Variants in GNAL observed in about 807,000 individuals in gnomAD.
GNAL encodes the protein guanine nucleotide-binding protein G(olf) subunit alpha.
In GNAL, 18 loss-of-function variants were observed where a neutral mutation model predicts 55.1. The ratio of observed to expected loss-of-function variants is 0.33; its 90% CI spans 0.23 to 0.48. The LOEUF (loss-of-function observed/expected upper bound fraction) is 0.48. GNAL is among the 20% of genes least tolerant of loss of function. GNAL has a pLI of 0.99. For synonymous variants in GNAL, 253 were observed against 237.0 expected (o/e 1.07, Z -0.62); for missense variants, 412 against 614.1 (o/e 0.67, Z 3.48).
At chr18:11,851,304 ACGTCCCACAGGCCCCACCCCGGCGCCTTC>A (rs1183134366) in intron 5 of GNAL, 1 of 562,952 alleles carries the variant, frequency 1.8e-6, no homozygotes, top group Non-Finnish European at 3.0e-6. Context: ...CTGGCGTCTT[ACGTCCCACAGGCCCCACCCCGGCGCCTTC>A]CGTCCCGCAG....
rs186283659 is a variant in GNAL at position 11,720,480 on chromosome 18, G to A, written c.376+30541G>A. Among the ~76,000 whole-genome samples, 8 of 152,288 alleles carry A rather than the reference G, an allele frequency of 5.3e-5. No homozygotes were observed. The East Asian group carries it at 1.5e-3, about 29-fold the overall frequency. Reference sequence around the variant, plus strand: ...GCTGACTTGTAGTGCGACGTTATGTGTTTCATCTTTGCAAATGTCTTTTCA... The same window carrying A: ...GCTGACTTGTAGTGCGACGTTATGTATTTCATCTTTGCAAATGTCTTTTCA... On this transcript the variant is annotated intron_variant, in intron 1 of 11. Coordinates refer to ENST00000334049, the MANE Select transcript of GNAL (RefSeq NM_182978.4).
rs1357598485 is a variant in GNAL at position 11,846,462 on chromosome 18, T to TACACACACAC, written c.723-15932_723-15931insCACACACACA. Among the ~76,000 whole-genome samples, 30 of 20,208 alleles carry TACACACACAC rather than the reference T, an allele frequency of 1.5e-3. No homozygotes were observed. In the East Asian group the frequency reaches 0.049, roughly 33 times the overall value. The allele number at this position is 20,208 out of a possible 152,430, so 13.3% of individuals were successfully genotyped here. A position where few individuals can be genotyped will look rare whatever the true frequency, so the allele number is the denominator to read the frequency against. Reference sequence around the variant, plus strand: ...ATATAAATATAAATATATATATAAATATACACACACACACACACACACACA... The same window carrying TACACACACAC: ...ATATAAATATAAATATATATATAAATACACACACACATACACACACACACACACACACACA... On this transcript the variant is annotated intron_variant, in intron 5 of 11. Transcript: ENST00000334049.
chr18:11,696,484 G>A (rs1473395548), intron 1 of GNAL, among the ~76,000 whole-genome samples: 2 of 144,896 alleles, frequency 1.4e-5, no homozygotes, highest in Admixed American at 1.4e-4. Flanking sequence ...AAGCTTGGGC[G>A]ACTGAGCAAG....
chr18:11,872,162 T>G, intron 9 of GNAL, 106 bp from the exon 10 acceptor site: 1 of 704,512 alleles, frequency 1.4e-6, no homozygotes, highest in Non-Finnish European at 2.4e-6. Context: ...ATCCTATACA[T>G]TTTTAGGAAG....
chr18:11,852,032 G>C (rs1262011494), intron 5 of GNAL: 1 of 1,613,690 alleles, frequency 6.2e-7, no homozygotes, highest in Non-Finnish European at 8.5e-7. Flanking sequence ...GGCCAGACCG[G>C]CTCCGTGGGC....
At chr18:11,712,222 T>A (rs1276048251) in intron 1 of GNAL, among the ~76,000 whole-genome samples, 2 of 152,146 alleles carry the variant, frequency 1.3e-5, no homozygotes, top group African/African-American at 4.8e-5. Context: ...TATAAATTGG[T>A]CCCTTGGGCA....
chr18:11,827,095 G>A (rs573144021), intron 5 of GNAL, among the ~76,000 whole-genome samples: 17 of 152,274 alleles, frequency 1.1e-4, no homozygotes. Context: ...TAGTAAGATT[G>A]TACTTAACCT....
At chr18:11,821,601 AT>A (rs57051159) in intron 4 of GNAL, among the ~76,000 whole-genome samples, 1,881 of 152,332 alleles carry the variant, frequency 0.012, 42 homozygotes, top group African/African-American at 0.04. Flanking sequence ...GAGAAAGGGT[AT>A]TGCGAAGGAA....
At chr18:11,759,267 G>A (rs1249655111) in intron 4 of GNAL, among the ~76,000 whole-genome samples, 1 of 152,172 alleles carries the variant, frequency 6.6e-6, no homozygotes, top group Non-Finnish European at 1.5e-5. Context: ...CAAAATCACT[G>A]TTGAATTCAA....
intron 4 of GNAL, among the ~76,000 whole-genome samples, chr18:11,766,803 G>T (rs999575701): frequency 6.6e-6 from 1 of 152,206 alleles, no homozygotes; most frequent in Non-Finnish European, 1.5e-5. Context: ...GTGTTTTAAA[G>T]CGTAGAAGCT....
chr18:11,743,485 G>C (rs192414624), intron 1 of GNAL, among the ~76,000 whole-genome samples: 1 of 151,950 alleles, frequency 6.6e-6, no homozygotes, highest in Admixed American at 6.6e-5. Flanking sequence ...ATCTAGAACC[G>C]TCCTCTAAGT....
chr18:11,813,217 T>A (rs1412199074), intron 4 of GNAL, among the ~76,000 whole-genome samples: 1 of 145,820 alleles, frequency 6.9e-6, no homozygotes, highest in Non-Finnish European at 1.5e-5. Context: ...ATCGCTCTAT[T>A]GCACTCCAGC....
intron 5 of GNAL, chr18:11,852,646 C>T (rs939095927): frequency 1.8e-5 from 3 of 164,478 alleles, no homozygotes; most frequent in African/African-American, 7.4e-5. Flanking sequence ...AGTGAGACTG[C>T]AAATGATTGT....
intron 1 of GNAL, among the ~76,000 whole-genome samples, chr18:11,730,036 C>A (rs192244456): frequency 4.6e-5 from 7 of 151,590 alleles, no homozygotes; most frequent in African/African-American, 7.3e-5. Flanking sequence ...CTTTTCTTTT[C>A]TTTTCTTTTT....
At chr18:11,735,781 AAAGG>A (rs1244789363) in intron 1 of GNAL, among the ~76,000 whole-genome samples, 1 of 149,412 alleles carries the variant, frequency 6.7e-6, no homozygotes, top group Non-Finnish European at 1.5e-5. Context: ...AGAGAGAAAG[AAAGG>A]AGGGAGGGAG....
chr18:11,711,878 A>G (rs1194917754), intron 1 of GNAL, among the ~76,000 whole-genome samples: 1 of 152,226 alleles, frequency 6.6e-6, no homozygotes, highest in Non-Finnish European at 1.5e-5. Context: ...ATCTTCACCA[A>G]TCAGCCTAGC....
rs910090724 is a variant in GNAL at position 11,885,139 on chromosome 18, T to G, written c.*4004T>G. On this transcript the variant is annotated 3_prime_UTR_variant, in exon 12 of 12. Transcript: ENST00000334049. ...GGCAAATGTTTTCATTTACTTTGAA[T>G]TTGAAAATGTTAGGGTTTCCTCCAC... is the stretch of plus-strand genomic sequence containing the variant. The G allele has an allele frequency of 2.0e-6, 2 of 978,250 alleles. No individual in the cohort carries two copies. The highest frequency in any genetic ancestry group is 7.2e-5 in the Admixed American group (2 of 27,882). The allele number at this position is 978,250 out of a possible 1,614,324, so 60.6% of individuals were successfully genotyped here.
chr18:11,885,548 T>C lies in GNAL; in HGVS notation c.*4413T>C. On this transcript the variant is annotated 3_prime_UTR_variant, in exon 12 of 12. Coordinates refer to ENST00000334049, the MANE Select transcript of GNAL (RefSeq NM_182978.4). ...GCAAGGGGCAGTGTATGGAGCTACG[T>C]GTAGAAGGAGAGAAATTTGTGTGTG... 8.9e-7 allele frequency: 1 copy of C among 1,123,466 alleles called. No homozygotes were observed. The allele number at this position is 1,123,466 out of a possible 1,614,324, so 69.6% of individuals were successfully genotyped here. A position where few individuals can be genotyped will look rare whatever the true frequency, so the allele number is the denominator to read the frequency against.
chr18:11,697,572 G>C (rs1193887078), intron 1 of GNAL, among the ~76,000 whole-genome samples: 1 of 151,362 alleles, frequency 6.6e-6, no homozygotes, highest in East Asian at 2.0e-4. Flanking sequence ...AAAAAAAAGA[G>C]AGAGAGAGAT....
Sources: allele counts gnomAD v4.1 joint callset (sites outside exome capture counted in the v4.1 genomes callset), GRCh38; gene constraint gnomAD v4.1.1; transcripts MANE v1.5; gene names NCBI Gene and HGNC (gene_info 2026-07-23, HGNC 2026-07-21).